DMD: variants seen among roughly 807,000 people sequenced by gnomAD.
The protein encoded by DMD is mutant dystrophin.
Under a neutral mutation model 330.1 loss-of-function variants are expected in DMD, and 63 were observed. The observed-to-expected ratio is 0.19, with a 90% CI of 0.16 to 0.24. DMD has a LOEUF of 0.24. Ranked by LOEUF, DMD falls within the 10% of genes least tolerant of loss-of-function variation. The probability of loss-of-function intolerance (pLI) is 1.00; values close to 1 mark genes in which losing one functional copy is unlikely to be tolerated. For missense variants in DMD, 3,344 were observed against 2,684.1 expected (o/e 1.25, Z -5.43); for synonymous variants, 1,223 against 959.8 (o/e 1.27, Z -5.07).
At chrX:32,620,946 C>T (rs1383260992) in intron 11 of DMD, among the ~76,000 whole-genome samples, 2 of 111,408 alleles carry the variant, frequency 1.8e-5, no homozygotes, top group Non-Finnish European at 3.8e-5. Flanking sequence ...CATTAATTTA[C>T]GAAATATACA....
At chrX:32,479,229 A>C (rs1033973346) in intron 21 of DMD, among the ~76,000 whole-genome samples, 1 of 111,516 alleles carries the variant, frequency 9.0e-6, no homozygotes, top group Non-Finnish European at 1.9e-5. Context: ...ATTGTAAAAT[A>C]TTCACTCAGG....
At chrX:33,068,437 T>G (rs924052630) in intron 1 of DMD, among the ~76,000 whole-genome samples, 1 of 112,315 alleles carries the variant, frequency 8.9e-6, no homozygotes, top group Non-Finnish European at 1.9e-5. Flanking sequence ...CAAGGAAGTA[T>G]GCACAGAATC....
chrX:33,074,362 T>C (rs1261492273), intron 1 of DMD, among the ~76,000 whole-genome samples: 1 of 111,702 alleles, frequency 9.0e-6, no homozygotes, highest in African/African-American at 3.2e-5. Context: ...CGTTCATTGC[T>C]CAATTAAACT....
intron 29 of DMD, among the ~76,000 whole-genome samples, chrX:32,414,713 A>G (rs1471442973): frequency 8.9e-6 from 1 of 112,132 alleles, no homozygotes; most frequent in African/African-American, 3.2e-5. Context: ...AAAGGTCACC[A>G]CTGCTCAGAG....
At chrX:31,643,243 C>T (rs962034139) in intron 54 of DMD, among the ~76,000 whole-genome samples, 5 of 111,422 alleles carry the variant, frequency 4.5e-5, no homozygotes, top group Non-Finnish European at 9.4e-5. Flanking sequence ...CAACATTTGT[C>T]CGATTATATT....
chrX:32,578,061 A>G (rs1399469957), intron 13 of DMD, among the ~76,000 whole-genome samples: 1 of 112,443 alleles, frequency 8.9e-6, no homozygotes. Context: ...GGAATCACTC[A>G]AAGATGCTGG....
chrX:32,284,381 C>G (rs1378686552), intron 43 of DMD, among the ~76,000 whole-genome samples: 1 of 111,668 alleles, frequency 9.0e-6, no homozygotes, highest in Non-Finnish European at 1.9e-5. Context: ...TGTGCCTTTT[C>G]TCTCCAAGAC....
chrX:32,671,000 G>A (rs1220667023), intron 9 of DMD, among the ~76,000 whole-genome samples: 1 of 110,503 alleles, frequency 9.0e-6, no homozygotes, highest in African/African-American at 3.3e-5. Flanking sequence ...CTTAGGTTTT[G>A]ATGACCTAAC....
intron 2 of DMD, among the ~76,000 whole-genome samples, chrX:32,961,560 T>C (rs370854204): frequency 1.8e-5 from 2 of 111,808 alleles, no homozygotes; most frequent in East Asian, 5.6e-4. Context: ...TCAACAAAAT[T>C]ACTGATTTTT....
At chrX:31,400,479 C>G (rs1358239601) in intron 60 of DMD, among the ~76,000 whole-genome samples, 3 of 111,452 alleles carry the variant, frequency 2.7e-5, no homozygotes, top group African/African-American at 9.8e-5. Context: ...CCTCCTGAGG[C>G]TGTTTCATGG....
chrX:32,564,361 G>A (rs2051430391), intron 16 of DMD, among the ~76,000 whole-genome samples: 1 of 111,610 alleles, frequency 9.0e-6, no homozygotes, highest in Non-Finnish European at 1.9e-5. Flanking sequence ...CCATTTTATG[G>A]CAGCAATAAT....
chrX:31,863,952 A>G (rs765793564), intron 48 of DMD, among the ~76,000 whole-genome samples: 1 of 111,019 alleles, frequency 9.0e-6, no homozygotes, highest in Admixed American at 9.6e-5. Flanking sequence ...CTATTTATTA[A>G]ATATGAGCTT....
At chrX:31,927,300 A>C (rs1382729663) in intron 47 of DMD, among the ~76,000 whole-genome samples, 1 of 112,240 alleles carries the variant, frequency 8.9e-6, no homozygotes, top group Non-Finnish European at 1.9e-5. Context: ...CCTCAGTTTT[A>C]ATTTTCTATC....
intron 62 of DMD, among the ~76,000 whole-genome samples, chrX:31,279,772 T>G (rs1321461792): frequency 8.9e-6 from 1 of 112,505 alleles, no homozygotes; most frequent in Non-Finnish European, 1.9e-5. Context: ...ACCCATCAAA[T>G]AGTGAGCTAA....
intron 18 of DMD, 174 bp downstream of exon 18, chrX:32,517,834 C>A (rs922503712): frequency 5.5e-6 from 3 of 545,330 alleles, no homozygotes; most frequent in Admixed American, 3.4e-5. Flanking sequence ...AGAAAGATTT[C>A]TCTAGGCTAA....
intron 42 of DMD, among the ~76,000 whole-genome samples, chrX:32,301,135 G>A (rs2097522033): frequency 9.5e-6 from 1 of 104,880 alleles, no homozygotes; most frequent in Non-Finnish European, 1.9e-5. Flanking sequence ...TTGGGGAAAT[G>A]TGCTTTCCAT....
intron 1 of DMD, among the ~76,000 whole-genome samples, chrX:33,280,710 A>T (rs942000263): frequency 1.4e-4 from 16 of 112,016 alleles, no homozygotes; most frequent in Admixed American, 2.9e-4. Context: ...TATATCAATT[A>T]TACTTTAAGC....
chrX:32,249,822 A>C (rs1208242744), intron 43 of DMD, among the ~76,000 whole-genome samples: 1 of 111,380 alleles, frequency 9.0e-6, no homozygotes, highest in Non-Finnish European at 1.9e-5. Context: ...GGAGACCTAA[A>C]TATTTTGGAA....
At position 31,530,876 on chromosome X, in the gene DMD, C is replaced by A. The variant is rs1289109797; in HGVS notation, c.8218-23423G>T. ...GAGTGTGATATTCCCCTTCCTGTGTCCATGTGATCTCATTGTTCAATTCCC... is the reference window on the plus strand; with the variant it reads ...GAGTGTGATATTCCCCTTCCTGTGTACATGTGATCTCATTGTTCAATTCCC... On this transcript the variant is annotated intron_variant, in intron 55 of 78. Transcript: ENST00000357033. 1.6e-4 allele frequency among the ~76,000 whole-genome samples: 9 copies of A among 54,814 alleles called. No individual in the cohort carries two copies. In the East Asian group the frequency reaches 5.3e-3, roughly 33 times the overall value. The allele number at this position is 54,814 out of a possible 115,157, so 47.6% of individuals were successfully genotyped here.
Sources: gnomAD v4.1 joint callset for allele counts (sites outside exome capture counted in the v4.1 genomes callset) on GRCh38, gnomAD v4.1.1 for gene constraint, MANE v1.5 for transcripts, NCBI Gene and HGNC (gene_info 2026-07-23, HGNC 2026-07-21) for gene names.